The following ATP8A2 variants were observed in gnomAD, a reference collection of about 807,000 sequenced individuals.
The protein encoded by ATP8A2 is phospholipid-transporting ATPase IB.
ATP8A2 carries 100 observed loss-of-function variants against 165.6 expected under a neutral mutation model. The ratio of observed to expected loss-of-function variants is 0.60; its 90% CI spans 0.51 to 0.71. The LOEUF (loss-of-function observed/expected upper bound fraction) is 0.71. Among genes scored for constraint, ATP8A2 ranks in the 30% least tolerant of loss-of-function variants. The pLI is 0.00. For synonymous variants in ATP8A2, 543 were observed against 548.8 expected (o/e 0.99, Z 0.15); for missense variants, 1,227 against 1,479.5 (o/e 0.83, Z 2.80).
At chr13:25,795,540 T>C (rs1258374950) in intron 27 of ATP8A2, among the ~76,000 whole-genome samples, 3 of 152,230 alleles carry the variant, frequency 2.0e-5, no homozygotes, top group African/African-American at 7.2e-5. Context: ...AGTGAGCTTT[T>C]CTCAGAAATA....
At chr13:25,830,824 C>G (rs1165707655) in intron 28 of ATP8A2, among the ~76,000 whole-genome samples, 2 of 152,208 alleles carry the variant, frequency 1.3e-5, no homozygotes, top group African/African-American at 4.8e-5. Context: ...GTATTACAAA[C>G]ATCATGTCGC....
chr13:25,587,139 A>G (rs915403427), intron 23 of ATP8A2, among the ~76,000 whole-genome samples: 2 of 152,230 alleles, frequency 1.3e-5, no homozygotes, highest in African/African-American at 4.8e-5. Context: ...GCTCTTCTCC[A>G]AGAGTTGATC....
At chr13:25,963,578 G>T (rs892283573) in intron 34 of ATP8A2, among the ~76,000 whole-genome samples, 12 of 152,094 alleles carry the variant, frequency 7.9e-5, no homozygotes, top group African/African-American at 2.7e-4. Flanking sequence ...ACATCAGCTG[G>T]CCTTTTCTAT....
At chr13:25,467,643 C>T (rs1345585277) in intron 1 of ATP8A2, among the ~76,000 whole-genome samples, 1 of 152,038 alleles carries the variant, frequency 6.6e-6, no homozygotes, top group Admixed American at 6.5e-5. Flanking sequence ...CTCCGCCCCC[C>T]GGGGTTCACG....
chr13:25,525,114 A>G (rs1476959084), intron 2 of ATP8A2, among the ~76,000 whole-genome samples: 1 of 152,024 alleles, frequency 6.6e-6, no homozygotes, highest in Non-Finnish European at 1.5e-5. Flanking sequence ...ATAACAAGTT[A>G]TTTTTAAAGA....
At chr13:25,597,061 T>G (rs920462191) in intron 24 of ATP8A2, among the ~76,000 whole-genome samples, 4 of 152,208 alleles carry the variant, frequency 2.6e-5, no homozygotes, top group African/African-American at 9.6e-5. Flanking sequence ...CTTCCTTTGT[T>G]GAAGTCTCTG....
intron 25 of ATP8A2, among the ~76,000 whole-genome samples, chr13:25,725,494 G>A (rs920562017): frequency 1.3e-5 from 2 of 152,206 alleles, no homozygotes; most frequent in Non-Finnish European, 2.9e-5. Context: ...CCGAAGATCA[G>A]CATCAAGGAC....
rs554307374 is a variant in ATP8A2 at position 25,628,149 on chromosome 13, A to T, written c.2211+38450A>T. Among the ~76,000 whole-genome samples, 22 of 152,130 alleles carry T rather than the reference A, an allele frequency of 1.4e-4. No individual in the cohort carries two copies. In the East Asian group the frequency reaches 4.1e-3, roughly 28 times the overall value. ...AAGCCTGACTGGACACTCCTAGGCCACCCTCCCTCTTGCTGACTTAGAAAC... is the reference window on the plus strand; with the variant it reads ...AAGCCTGACTGGACACTCCTAGGCCTCCCTCCCTCTTGCTGACTTAGAAAC... On this transcript the variant is annotated intron_variant, in intron 24 of 36. Transcript: ENST00000381655.
intron 33 of ATP8A2, among the ~76,000 whole-genome samples, chr13:25,869,565 C>T (rs1246400631): frequency 6.6e-6 from 1 of 152,104 alleles, no homozygotes; most frequent in Non-Finnish European, 1.5e-5. Context: ...TATTTCTGAG[C>T]TTGTTTTTCA....
In ATP8A2 at chr13:25,860,088, T is replaced by G. The variant is rs961644389; in HGVS notation, c.2957-107T>G. The G allele has an allele frequency of 4.5e-6, 3 of 660,142 alleles. No homozygotes were observed. The Admixed American group carries it at 7.1e-5, about 16-fold the overall frequency. The allele number at this position is 660,142 out of a possible 1,614,324, so 40.9% of individuals were successfully genotyped here. A position where few individuals can be genotyped will look rare whatever the true frequency, so the allele number is the denominator to read the frequency against. ...GTCACAGGATGGGATTTTGAAATAC[T>G]CTGTGAGTTGATTGATGTTCCTAAA... is the stretch of plus-strand genomic sequence containing the variant. On this transcript the variant is annotated intron_variant, in intron 30 of 36. Coordinates refer to ENST00000381655, the MANE Select transcript of ATP8A2 (RefSeq NM_016529.6).
At chr13:25,629,356 C>T (rs994457522) in intron 24 of ATP8A2, among the ~76,000 whole-genome samples, 1 of 152,062 alleles carries the variant, frequency 6.6e-6, no homozygotes, top group African/African-American at 2.4e-5. Flanking sequence ...CTAGTTAACA[C>T]ACTATAATGA....
chr13:25,557,831 T>G (rs547388723), intron 13 of ATP8A2, among the ~76,000 whole-genome samples: 1 of 152,328 alleles, frequency 6.6e-6, no homozygotes, highest in African/African-American at 2.4e-5. Context: ...GTTGGAACTT[T>G]AAGGATAAGT....
chr13:25,608,735 A>G (rs572524085), intron 24 of ATP8A2, among the ~76,000 whole-genome samples: 4 of 152,334 alleles, frequency 2.6e-5, no homozygotes, highest in African/African-American at 7.2e-5. Context: ...ACATACATCT[A>G]TATCTATCTG....
chr13:25,690,862 A>G (rs2042709050), intron 24 of ATP8A2, among the ~76,000 whole-genome samples: 1 of 149,622 alleles, frequency 6.7e-6, no homozygotes, highest in Admixed American at 6.6e-5. Flanking sequence ...CCTAAGAGTA[A>G]TATAAACGTA....
intron 33 of ATP8A2, among the ~76,000 whole-genome samples, chr13:25,907,368 TAAAATAAAATAAA>T (rs930662572): frequency 3.9e-5 from 3 of 76,966 alleles, no homozygotes; most frequent in Non-Finnish European, 8.3e-5. Flanking sequence ...AATAAAAAAA[TAAAATAAAATAAA>T]ATAAAATAAA....
rs188891960 is a variant in ATP8A2 at position 25,551,512 on chromosome 13, C to A, written c.1057+9C>A. ...GTACATCAAGAAGATGGGTAAGTGT[C>A]GGGGTGGGTTGCTTGTTCCAGTGGA... On this transcript the variant is annotated intron_variant, in intron 11 of 36. Coordinates refer to ENST00000381655, the MANE Select transcript of ATP8A2 (RefSeq NM_016529.6). 1.7e-4 allele frequency: 276 copies of A among 1,591,480 alleles called. No individual in the cohort carries two copies. The African/African-American group carries it at 3.2e-3, about 19-fold the overall frequency.
At chr13:25,924,008 A>G (rs968403417) in intron 33 of ATP8A2, among the ~76,000 whole-genome samples, 2 of 152,184 alleles carry the variant, frequency 1.3e-5, no homozygotes, top group Admixed American at 6.5e-5. Context: ...AATAGCTGAG[A>G]TGGATGGGGA....
At chr13:26,013,247 C>T (rs1956887409) in intron 36 of ATP8A2, among the ~76,000 whole-genome samples, 2 of 152,160 alleles carry the variant, frequency 1.3e-5, no homozygotes, top group South Asian at 4.1e-4. Context: ...CCCAGCCCTG[C>T]CTCTCTGTGT....
At chr13:25,641,219 A>G (rs139617256) in intron 24 of ATP8A2, among the ~76,000 whole-genome samples, 1 of 152,022 alleles carries the variant, frequency 6.6e-6, no homozygotes, top group East Asian at 1.9e-4. Flanking sequence ...CTCTCTCACC[A>G]CTCCTATTCA....
Sources: gnomAD v4.1 joint callset for allele counts (sites outside exome capture counted in the v4.1 genomes callset) on GRCh38, gnomAD v4.1.1 for gene constraint, MANE v1.5 for transcripts, NCBI Gene and HGNC (gene_info 2026-07-23, HGNC 2026-07-21) for gene names.